STXBP5L: variants seen among roughly 807,000 people sequenced by gnomAD.
STXBP5L encodes syntaxin binding protein 5L.
STXBP5L carries 65 observed loss-of-function variants against 144.5 expected under a neutral mutation model. The observed-to-expected ratio is 0.45, with a 90% CI of 0.37 to 0.55. The LOEUF (loss-of-function observed/expected upper bound fraction) is 0.55, where lower values mean the gene tolerates loss of function less well. Ranked by LOEUF, STXBP5L falls within the 20% of genes least tolerant of loss-of-function variation. The probability of loss-of-function intolerance (pLI) is 0.00; values close to 1 mark genes in which losing one functional copy is unlikely to be tolerated. For missense variants in STXBP5L, 1,298 were observed against 1,405.5 expected (o/e 0.92, Z 1.22); for synonymous variants, 505 against 469.6 (o/e 1.08, Z -0.97).
At chr3:121,351,379 G>A (rs1268902557) in intron 20 of STXBP5L, among the ~76,000 whole-genome samples, 1 of 152,112 alleles carries the variant, frequency 6.6e-6, no homozygotes, top group Non-Finnish European at 1.5e-5. Context: ...AATGGGGGGT[G>A]CCTCCCAGTT....
chr3:120,953,806 T>A (rs1484929592), intron 2 of STXBP5L, among the ~76,000 whole-genome samples: 1 of 152,182 alleles, frequency 6.6e-6, no homozygotes, highest in Non-Finnish European at 1.5e-5. Context: ...CTTCTTTTTC[T>A]TGTCTAATTG....
At chr3:121,177,050 GA>G (rs1212341339) in intron 9 of STXBP5L, among the ~76,000 whole-genome samples, 3 of 151,384 alleles carry the variant, frequency 2.0e-5, no homozygotes, top group East Asian at 1.9e-4. Flanking sequence ...AGACAAAGGG[GA>G]AAAAAATCTG....
intron 9 of STXBP5L, among the ~76,000 whole-genome samples, chr3:121,191,232 C>T (rs1387843536): frequency 6.6e-6 from 1 of 152,224 alleles, no homozygotes; most frequent in Non-Finnish European, 1.5e-5. Flanking sequence ...CACGCCACTG[C>T]ACTCCAGCCT....
intron 3 of STXBP5L, among the ~76,000 whole-genome samples, chr3:120,973,927 A>C (rs1433289824): frequency 1.3e-5 from 2 of 152,256 alleles, no homozygotes; most frequent in East Asian, 1.9e-4. Flanking sequence ...ACATTTTCTT[A>C]ATCCAGTCAA....
intron 2 of STXBP5L, among the ~76,000 whole-genome samples, chr3:120,924,147 T>A (rs569337077): frequency 2.0e-4 from 30 of 152,346 alleles, no homozygotes; most frequent in Admixed American, 5.2e-4. Flanking sequence ...TATACCAGTA[T>A]GTTTCACATC....
intron 10 of STXBP5L, among the ~76,000 whole-genome samples, chr3:121,207,698 A>C (rs2048392652): frequency 6.6e-6 from 1 of 152,246 alleles, no homozygotes; most frequent in Non-Finnish European, 1.5e-5. Flanking sequence ...TTCTCAAAAG[A>C]AGACATTTAT....
intron 2 of STXBP5L, among the ~76,000 whole-genome samples, chr3:120,933,589 CAG>C (rs1428195505): frequency 6.6e-6 from 1 of 152,090 alleles, no homozygotes; most frequent in Non-Finnish European, 1.5e-5. Context: ...TAATCATACT[CAG>C]AAACTTACTG....
intron 22 of STXBP5L, among the ~76,000 whole-genome samples, chr3:121,404,528 G>A (rs761399783): frequency 1.3e-5 from 2 of 152,036 alleles, no homozygotes; most frequent in Non-Finnish European, 2.9e-5. Context: ...CCAAGTAAAA[G>A]TCTAGGTCTT....
chr3:121,174,697 G>A (rs1178934507), intron 9 of STXBP5L, among the ~76,000 whole-genome samples: 1 of 152,158 alleles, frequency 6.6e-6, no homozygotes, highest in Non-Finnish European at 1.5e-5. Flanking sequence ...TGGGGCTACA[G>A]ACATAAGGTC....
At chr3:121,055,168 C>T (rs1488088169) in intron 5 of STXBP5L, among the ~76,000 whole-genome samples, 1 of 152,080 alleles carries the variant, frequency 6.6e-6, no homozygotes, top group East Asian at 1.9e-4. Flanking sequence ...AAGATACATA[C>T]ATATTGTCAT....
chr3:120,950,254 A>G (rs1711123233), intron 2 of STXBP5L, among the ~76,000 whole-genome samples: 1 of 152,038 alleles, frequency 6.6e-6, no homozygotes, highest in South Asian at 2.1e-4. Context: ...GAGTTGCTAC[A>G]GCACCATTTG....
chr3:121,128,790 T>A (rs113697193), intron 7 of STXBP5L, among the ~76,000 whole-genome samples: 1 of 152,042 alleles, frequency 6.6e-6, no homozygotes, highest in Non-Finnish European at 1.5e-5. Flanking sequence ...TAGTTTAATT[T>A]TTGACAGTCA....
intron 3 of STXBP5L, among the ~76,000 whole-genome samples, chr3:120,994,027 G>A (rs992343576): frequency 6.6e-6 from 1 of 151,828 alleles, no homozygotes; most frequent in African/African-American, 2.4e-5. Flanking sequence ...TTTGTTAAAT[G>A]TATTCCTTTT....
At chr3:121,409,016 A>C (rs756729598) in intron 23 of STXBP5L, among the ~76,000 whole-genome samples, 6 of 151,938 alleles carry the variant, frequency 3.9e-5, no homozygotes, top group Non-Finnish European at 8.8e-5. Flanking sequence ...AATATTTGAA[A>C]TTTTAGGTGT....
intron 19 of STXBP5L, among the ~76,000 whole-genome samples, chr3:121,307,936 TAAGAGAA>T (rs1394148208): frequency 2.0e-5 from 3 of 151,936 alleles, no homozygotes; most frequent in Non-Finnish European, 2.9e-5. Context: ...TTGAAAGCAA[TAAGAGAA>T]AAATGACTTG....
chr3:120,941,222 A>G (rs1710550852), intron 2 of STXBP5L, among the ~76,000 whole-genome samples: 1 of 151,784 alleles, frequency 6.6e-6, no homozygotes. Context: ...AGCTTTAAAC[A>G]ATAGAATCTC....
At chr3:121,058,803 G>A (rs1320201777) in intron 5 of STXBP5L, among the ~76,000 whole-genome samples, 1 of 151,264 alleles carries the variant, frequency 6.6e-6, no homozygotes, top group East Asian at 1.9e-4. Flanking sequence ...CATATCCTTT[G>A]CCCACTTTTT....
intron 5 of STXBP5L, among the ~76,000 whole-genome samples, chr3:121,095,335 C>G (rs1173860541): frequency 6.6e-6 from 1 of 152,082 alleles, no homozygotes; most frequent in African/African-American, 2.4e-5. Flanking sequence ...GTTGGCCTGT[C>G]CTTCTAGGTT....
intron 2 of STXBP5L, among the ~76,000 whole-genome samples, chr3:120,911,253 T>C (rs758117640): frequency 6.6e-5 from 10 of 152,014 alleles, no homozygotes; most frequent in Non-Finnish European, 1.0e-4. Flanking sequence ...TTCAGGGAAA[T>C]GGGTGAATGC....
Sources: allele counts gnomAD v4.1 joint callset (sites outside exome capture counted in the v4.1 genomes callset), GRCh38; gene constraint gnomAD v4.1.1; transcripts MANE v1.5; gene names NCBI Gene and HGNC (gene_info 2026-07-23, HGNC 2026-07-21).